Variants in CLPB observed in about 807,000 individuals in gnomAD.
CLPB encodes ClpB family mitochondrial disaggregase, also known as mitochondrial disaggregase.
A neutral mutation model predicts 78.4 loss-of-function variants in CLPB; 40 were observed. The ratio of observed to expected loss-of-function variants is 0.51; its 90% CI spans 0.40 to 0.66. CLPB has a LOEUF of 0.66. Among genes scored for constraint, CLPB ranks in the 30% least tolerant of loss-of-function variants. CLPB has a pLI of 0.00. For missense variants in CLPB, 780 were observed against 886.9 expected, an observed-to-expected ratio of 0.88 and a Z score of 1.53; for synonymous variants, 333 against 348.0, an observed-to-expected ratio of 0.96 and a Z score of 0.48.
chr11:72,399,472 T>C (rs1201484636), intron 3 of CLPB, among the ~76,000 whole-genome samples: 10 of 152,206 alleles, frequency 6.6e-5, no homozygotes, highest in African/African-American at 2.4e-4. Flanking sequence ...GAAAATAAAT[T>C]ATAAATTAAA....
Position 72,312,385 on chromosome 11 carries a change from A to G in CLPB, c.989-3781T>C, listed in dbSNP as rs1949862681. Among the ~76,000 whole-genome samples the G allele has an allele frequency of 6.6e-6, 1 of 152,160 alleles. No homozygotes were observed. On this transcript the variant is annotated intron_variant, in intron 7 of 15. Transcript: ENST00000538039. This position sits in a 1 kb window ranked among gnomAD's most constrained non-coding sequence, Gnocchi z 4.2. Reference sequence around the variant, plus strand: ...TATCTCCATTTTACACAGGATACCGAGGCTCAGAGACGGGCAGTGTAAGGT... The same window carrying G: ...TATCTCCATTTTACACAGGATACCGGGGCTCAGAGACGGGCAGTGTAAGGT...
intron 4 of CLPB, among the ~76,000 whole-genome samples, chr11:72,361,958 A>G (rs1206500285): frequency 6.6e-6 from 1 of 152,248 alleles, no homozygotes; most frequent in Non-Finnish European, 1.5e-5. Flanking sequence ...GATGAACTCA[A>G]GGAACACAGC....
At chr11:72,358,132 G>A (rs1213309511) in intron 5 of CLPB, among the ~76,000 whole-genome samples, 1 of 152,214 alleles carries the variant, frequency 6.6e-6, no homozygotes, top group African/African-American at 2.4e-5. Flanking sequence ...ACTTGGACAG[G>A]ACTTGCCCAG....
intron 7 of CLPB, among the ~76,000 whole-genome samples, chr11:72,310,241 C>T (rs749142140): frequency 1.3e-5 from 2 of 152,326 alleles, no homozygotes; most frequent in South Asian, 2.1e-4. Context: ...TCAGTAGAAA[C>T]AGATGGAAGC....
intron 6 of CLPB, among the ~76,000 whole-genome samples, chr11:72,323,877 G>C (rs1950087604): frequency 6.6e-6 from 1 of 151,682 alleles, no homozygotes; most frequent in Non-Finnish European, 1.5e-5. Flanking sequence ...CTTTTTTTAG[G>C]AAATACATAC....
chr11:72,417,990 G>A (rs1260838632), intron 2 of CLPB, among the ~76,000 whole-genome samples: 1 of 152,172 alleles, frequency 6.6e-6, no homozygotes, highest in Non-Finnish European at 1.5e-5. Flanking sequence ...GGAGGCCTGG[G>A]TGCTATCCCT....
intron 3 of CLPB, among the ~76,000 whole-genome samples, chr11:72,391,662 T>A (rs1253106249): frequency 2.0e-5 from 3 of 152,184 alleles, no homozygotes; most frequent in African/African-American, 4.8e-5. Flanking sequence ...CCAACTAGGC[T>A]GCGGGTGGTT....
At chr11:72,366,582 A>T (rs968679248) in intron 4 of CLPB, among the ~76,000 whole-genome samples, 28 of 152,204 alleles carry the variant, frequency 1.8e-4, no homozygotes, top group African/African-American at 5.8e-4. Context: ...AATCCCATTT[A>T]AAAAATGGGC....
Position 72,312,241 on chromosome 11 carries a change from TGGGA to T in CLPB, c.989-3641_989-3638del, listed in dbSNP as rs1004781743. Among the ~76,000 whole-genome samples, 1 of 151,916 alleles carries T rather than the reference TGGGA, an allele frequency of 6.6e-6. No individual in the cohort carries two copies. Among genetic ancestry groups the T allele is most frequent in the Non-Finnish European group, 1.5e-5 (1 of 67,990 alleles). ...AAAGCAATTTGTAAGTGGCGAGGAG[TGGGA>T]TAACAATAAGAGTAAAAATAATGGT... On this transcript the variant is annotated intron_variant, in intron 7 of 15. Transcript: ENST00000538039. This position sits in a 1 kb window ranked among gnomAD's most constrained non-coding sequence, Gnocchi z 4.2.
chr11:72,333,153 C>G (rs1950258211), intron 5 of CLPB, among the ~76,000 whole-genome samples: 1 of 152,188 alleles, frequency 6.6e-6, no homozygotes. Context: ...AAAAACCACC[C>G]CCAGGTTTTC....
intron 7 of CLPB, among the ~76,000 whole-genome samples, chr11:72,311,515 G>T (rs1199728100): frequency 6.6e-6 from 1 of 152,164 alleles, no homozygotes; most frequent in African/African-American, 2.4e-5. Flanking sequence ...GGTTACAGGG[G>T]GAAGAAACAA....
At chr11:72,346,988 T>TAAAA (rs60688188) in intron 5 of CLPB, among the ~76,000 whole-genome samples, 41 of 60,188 alleles carry the variant, frequency 6.8e-4, no homozygotes, top group African/African-American at 1.9e-3. Context: ...TCTCAAAAAT[T>TAAAA]AAAAAAAAAA....
At chr11:72,376,761 T>G (rs768232314) in intron 4 of CLPB, among the ~76,000 whole-genome samples, 11 of 152,140 alleles carry the variant, frequency 7.2e-5, no homozygotes, top group Non-Finnish European at 1.6e-4. Context: ...AACCTCTGCC[T>G]TCTGGGTTCA....
intron 5 of CLPB, among the ~76,000 whole-genome samples, chr11:72,346,981 C>CA (rs1555095640): frequency 4.2e-5 from 3 of 70,886 alleles, no homozygotes; most frequent in Admixed American, 1.6e-4. Flanking sequence ...AATTCCATCT[C>CA]AAAAATTAAA....
At chr11:72,293,746 T>A (rs554191734) in intron 15 of CLPB, 131 bp from the exon 16 acceptor site, 4 of 1,152,604 alleles carry the variant, frequency 3.5e-6, no homozygotes, top group Admixed American at 2.8e-5. Flanking sequence ...CATTTGCCAA[T>A]TGGGGCTAAT....
chr11:72,301,741 T>C lies in CLPB; in HGVS notation c.1329+62A>G. The stretch of plus-strand genomic sequence containing the variant: ...TAGCCTCTGGGCCCTTGCTTTCTGC[T>C]GTTCACAGTCCCCCTTATCTCCAGG... On this transcript the variant is annotated intron_variant, in intron 11 of 15. Coordinates refer to ENST00000538039, the MANE Select transcript of CLPB (RefSeq NM_001258392.3). 3.2e-6 allele frequency: 5 copies of C among 1,550,878 alleles called. No individual in the cohort carries two copies. In the South Asian group the frequency reaches 6.0e-5, roughly 19 times the overall value.
chr11:72,347,241 T>A (rs2135582387), intron 5 of CLPB, among the ~76,000 whole-genome samples: 1 of 152,252 alleles, frequency 6.6e-6, no homozygotes, highest in South Asian at 2.1e-4. Flanking sequence ...ATTTTTGTGG[T>A]CTTAAAAGTA....
At chr11:72,305,118 C>A (rs1460717075) in intron 9 of CLPB, among the ~76,000 whole-genome samples, 1 of 152,190 alleles carries the variant, frequency 6.6e-6, no homozygotes, top group Non-Finnish European at 1.5e-5. Flanking sequence ...CCTCTCATCT[C>A]CCAATGTGAA....
At chr11:72,389,868 G>A (rs1855194514) in intron 3 of CLPB, among the ~76,000 whole-genome samples, 1 of 152,112 alleles carries the variant, frequency 6.6e-6, no homozygotes. Flanking sequence ...AGCTGTGGTT[G>A]TGCCACTGCA....
Sources: gnomAD v4.1 joint callset for allele counts (sites outside exome capture counted in the v4.1 genomes callset) on GRCh38, gnomAD v4.1.1 for gene constraint, Gnocchi (gnomAD v3.1) non-coding constraint, MANE v1.5 for transcripts, NCBI Gene and HGNC (gene_info 2026-07-23, HGNC 2026-07-21) for gene names.